The following RBFOX1 variants were observed in gnomAD, a reference collection of about 807,000 sequenced individuals.
RBFOX1 encodes the protein RNA binding protein fox-1 homolog 1.
RBFOX1 carries 8 observed loss-of-function variants against 57.7 expected under a neutral mutation model. The ratio of observed to expected loss-of-function variants is 0.14; its 90% CI spans 0.08 to 0.25. The LOEUF is 0.25. Ranked by LOEUF, RBFOX1 falls within the 10% of genes least tolerant of loss-of-function variation. The pLI is 1.00. For missense variants in RBFOX1, 611 were observed against 548.5 expected, an observed-to-expected ratio of 1.11 and a Z score of -1.14; for synonymous variants, 326 against 222.4, an observed-to-expected ratio of 1.47 and a Z score of -4.15.
intron 3 of RBFOX1, among the ~76,000 whole-genome samples, chr16:6,987,540 T>C (rs1294271861): frequency 6.7e-6 from 1 of 150,306 alleles, no homozygotes; most frequent in African/African-American, 2.5e-5. Flanking sequence ...CATAATCATA[T>C]ACACGGGCAC....
chr16:6,991,325 T>A (rs1386272976), intron 3 of RBFOX1, among the ~76,000 whole-genome samples: 1 of 151,986 alleles, frequency 6.6e-6, no homozygotes, highest in Admixed American at 6.6e-5. Context: ...TATTTCTGCA[T>A]TTCTCCATTT....
Position 6,135,785 on chromosome 16 carries a change from CTTTTTT to C in RBFOX1, c.-127+115815_-127+115820del, listed in dbSNP as rs35563303. ...TTCCTGGAGATGGCACTCGTTTCGA[CTTTTTT>C]TTTTTTTTTTTTTTTTTTTTTGAGA... On this transcript the variant is annotated intron_variant, in intron 1 of 15. Transcript: ENST00000550418. Among the ~76,000 whole-genome samples the C allele has an allele frequency of 9.1e-3, 771 of 84,978 alleles. 7 individuals carry two copies. Among genetic ancestry groups the C allele is most frequent in the African/African-American group, 0.038 (714 of 18,872 alleles). 55.7% of individuals were successfully genotyped at this position (84,978 alleles called of 152,430 possible).
At chr16:6,835,741 A>G (rs2093045229) in intron 3 of RBFOX1, among the ~76,000 whole-genome samples, 1 of 130,616 alleles carries the variant, frequency 7.7e-6, no homozygotes, top group Non-Finnish European at 1.6e-5. Context: ...GTGATAGAGT[A>G]AGACTCTGCT....
chr16:7,065,258 G>A (rs7191232), intron 4 of RBFOX1, among the ~76,000 whole-genome samples: 123,797 of 151,948 alleles, frequency 0.81, 51,067 homozygotes, highest in African/African-American at 0.94. Flanking sequence ...TTCTTGTAGC[G>A]AAGGTAGAAG....
intron 4 of RBFOX1, among the ~76,000 whole-genome samples, chr16:5,925,623 A>G (rs543451632): frequency 5.9e-5 from 9 of 152,230 alleles, no homozygotes; most frequent in Non-Finnish European, 1.0e-4. Flanking sequence ...TCACTATAAA[A>G]TGATTAACAT....
intron 3 of RBFOX1, among the ~76,000 whole-genome samples, chr16:6,750,298 A>T (rs760049643): frequency 3.3e-5 from 5 of 152,226 alleles, no homozygotes; most frequent in Non-Finnish European, 7.3e-5. Flanking sequence ...ATAGCCTCAC[A>T]GCAGTTCTTA....
At position 7,157,553 on chromosome 16, in the gene RBFOX1, C is replaced by G. The variant is rs77093270; in HGVS notation, c.27+105455C>G. On this transcript the variant is annotated intron_variant, in intron 4 of 15. Coordinates refer to ENST00000550418, the MANE Select transcript of RBFOX1 (RefSeq NM_018723.4). ...AGTGAACACCAACCATGGGGCTTTGCATAGCTTAAGTCCAGGCACGTGAAA... is the reference window on the plus strand; with the variant it reads ...AGTGAACACCAACCATGGGGCTTTGGATAGCTTAAGTCCAGGCACGTGAAA... 5.2e-3 allele frequency among the ~76,000 whole-genome samples: 793 copies of G among 152,168 alleles called. 33 individuals are homozygous for G. Among genetic ancestry groups the G allele is most frequent in the Admixed American group, 0.048 (732 of 15,258 alleles).
chr16:6,493,044 T>C (rs1041282730), intron 2 of RBFOX1, among the ~76,000 whole-genome samples: 2 of 152,204 alleles, frequency 1.3e-5, no homozygotes, highest in Non-Finnish European at 2.9e-5. Flanking sequence ...TCAGCAAAGA[T>C]GCCCTATTTG....
chr16:7,265,309 C>T (rs1221992325), intron 4 of RBFOX1, among the ~76,000 whole-genome samples: 1 of 145,298 alleles, frequency 6.9e-6, no homozygotes. Flanking sequence ...TGGATGGTGG[C>T]CTTCTCCCTG....
At chr16:6,138,853 T>C (rs1362459599) in intron 1 of RBFOX1, among the ~76,000 whole-genome samples, 3 of 151,996 alleles carry the variant, frequency 2.0e-5, no homozygotes, top group Admixed American at 2.0e-4. Flanking sequence ...GGCGACAGAG[T>C]GAGGCTCCGT....
At chr16:7,407,098 G>A (rs757750737) in intron 4 of RBFOX1, among the ~76,000 whole-genome samples, 4 of 152,086 alleles carry the variant, frequency 2.6e-5, no homozygotes, top group Non-Finnish European at 4.4e-5. Flanking sequence ...TTGGGGGAAC[G>A]GGTGGTATTT....
intron 5 of RBFOX1, among the ~76,000 whole-genome samples, chr16:7,553,497 A>G (rs1189466212): frequency 1.3e-5 from 2 of 152,232 alleles, no homozygotes; most frequent in Admixed American, 6.5e-5. Context: ...TTCCATAACA[A>G]TTAAAAATGA....
chr16:7,454,938 C>T (rs9925664), intron 4 of RBFOX1, among the ~76,000 whole-genome samples: 2 of 152,020 alleles, frequency 1.3e-5, no homozygotes, highest in African/African-American at 4.8e-5. Context: ...GGGCCAACCC[C>T]TTTTCCCAGC....
At chr16:7,489,036 T>C (rs1237499925) in intron 4 of RBFOX1, among the ~76,000 whole-genome samples, 1 of 152,194 alleles carries the variant, frequency 6.6e-6, no homozygotes, top group Non-Finnish European at 1.5e-5. Flanking sequence ...TCTATCTCTA[T>C]CTTTATAAAA....
At chr16:6,975,401 C>T (rs13338925) in intron 3 of RBFOX1, among the ~76,000 whole-genome samples, 15 of 151,938 alleles carry the variant, frequency 9.9e-5, no homozygotes, top group Non-Finnish European at 1.6e-4. Flanking sequence ...AAGTAGCTGG[C>T]GTTACAGGCA....
chr16:6,795,635 G>A (rs1005633730), intron 3 of RBFOX1, among the ~76,000 whole-genome samples: 4 of 151,986 alleles, frequency 2.6e-5, no homozygotes, highest in South Asian at 4.2e-4. Flanking sequence ...GCATGGTTGG[G>A]GGTGCCTGTA....
At chr16:6,821,702 C>T (rs185306988) in intron 3 of RBFOX1, among the ~76,000 whole-genome samples, 10 of 152,296 alleles carry the variant, frequency 6.6e-5, no homozygotes, top group African/African-American at 2.2e-4. Flanking sequence ...CACATGATAG[C>T]CTGTATCAGT....
intron 3 of RBFOX1, among the ~76,000 whole-genome samples, chr16:6,709,081 A>G (rs2063292541): frequency 6.6e-6 from 1 of 152,088 alleles, no homozygotes; most frequent in Admixed American, 6.5e-5. Context: ...TATCTCAAGC[A>G]CAGATTATTA....
intron 1 of RBFOX1, among the ~76,000 whole-genome samples, chr16:5,441,811 C>A (rs1308141524): frequency 1.3e-5 from 2 of 152,132 alleles, no homozygotes; most frequent in Non-Finnish European, 2.9e-5. Context: ...GGGGAAGCCT[C>A]TTATAAAACC....
Sources: gnomAD v4.1 joint callset for allele counts (sites outside exome capture counted in the v4.1 genomes callset) on GRCh38, gnomAD v4.1.1 for gene constraint, MANE v1.5 for transcripts, NCBI Gene and HGNC (gene_info 2026-07-23, HGNC 2026-07-21) for gene names.